SIGLEC9: variants seen among roughly 807,000 people sequenced by gnomAD.
The protein encoded by SIGLEC9 is sialic acid-binding Ig-like lectin 9.
A neutral mutation model predicts 38.3 loss-of-function variants in SIGLEC9; 26 were observed. The ratio of observed to expected loss-of-function variants is 0.68; its 90% confidence interval spans 0.50 to 0.94. The LOEUF is 0.94. SIGLEC9 is among the 40% of genes least tolerant of loss of function. The pLI is 0.00. For missense variants in SIGLEC9, 556 were observed against 585.7 expected, an observed-to-expected ratio of 0.95 and a Z score of 0.52; for synonymous variants, 236 against 248.0, an observed-to-expected ratio of 0.95 and a Z score of 0.45.
In SIGLEC9 at chr19:51,125,267, A is replaced by C; in HGVS notation, c.293A>C (p.His98Pro). 1 of 1,614,086 alleles carries C rather than the reference A, an allele frequency of 6.2e-7. No homozygotes were observed. Among genetic ancestry groups the C allele is most frequent in the Non-Finnish European group, 8.5e-7 (1 of 1,179,974 alleles). ...RDRFHLLGDP[H>P]TKNCTLSIRD... ...CGATTCCACCTCCTTGGGGACCCAC[A>C]TACCAAGAATTGCACCCTGAGCATC... Residue 98 changes from histidine (H) to proline (P), a missense_variant, in exon 1 of 7, where the codon CAT (histidine) becomes CCT (proline). By Grantham distance (77) the His-to-Pro change is moderately conservative. Coordinates refer to ENST00000250360, the MANE Select transcript of SIGLEC9 (RefSeq NM_014441.3).
intron 5 of SIGLEC9, 87 bp downstream of exon 5, chr19:51,128,126 G>A: frequency 1.8e-6 from 2 of 1,101,086 alleles, no homozygotes; most frequent in Non-Finnish European, 2.7e-6. Context: ...GAGCTGGAGG[G>A]ACCTGGATGG....
At chr19:51,129,420 A>C (rs1230254627) in intron 6 of SIGLEC9, among the ~76,000 whole-genome samples, 2 of 151,766 alleles carry the variant, frequency 1.3e-5, no homozygotes, top group East Asian at 3.9e-4. Context: ...TGGCTTCCCG[A>C]AGTGCTGGGA....
upstream of SIGLEC9, among the ~76,000 whole-genome samples, chr19:51,124,310 C>G (rs1599814132): frequency 6.6e-6 from 1 of 152,078 alleles, no homozygotes; most frequent in Non-Finnish European, 1.5e-5. Flanking sequence ...CTGCTCAGTC[C>G]TCCTGAGATT....
chr19:51,132,498 C>T (rs1013251440), downstream of SIGLEC9, among the ~76,000 whole-genome samples: 1 of 152,192 alleles, frequency 6.6e-6, no homozygotes, highest in Admixed American at 6.5e-5. Context: ...CCTCCTGAGA[C>T]TGTAGTCTGA....
Position 51,124,941 on chromosome 19 carries a change from T to C in SIGLEC9, c.-34T>C, listed in dbSNP as rs1441961467. On this transcript the variant is annotated 5_prime_UTR_variant, in exon 1 of 7. Transcript: ENST00000250360. ...AGAGAAGAACCCTGAGGAACAGACGTTCCCTCGCGGCCCTGGCACCTCTAA... is the reference window on the plus strand; with the variant it reads ...AGAGAAGAACCCTGAGGAACAGACGCTCCCTCGCGGCCCTGGCACCTCTAA... 3 of 1,573,370 alleles carry C rather than the reference T, an allele frequency of 1.9e-6. No individual in the cohort carries two copies. The South Asian group carries it at 3.6e-5, about 19-fold the overall frequency.
chr19:51,122,495 C>A (rs1253701746), upstream of SIGLEC9, among the ~76,000 whole-genome samples: 1 of 150,922 alleles, frequency 6.6e-6, no homozygotes, highest in Non-Finnish European at 1.5e-5. The surrounding 1 kb of genome is among the most constrained non-coding windows in gnomAD (Gnocchi z 4.1). Flanking sequence ...GCAGGAGAAT[C>A]GCTTGAACGT....
At chr19:51,131,746 TG>T, downstream of SIGLEC9, among the ~76,000 whole-genome samples, 1 of 151,948 alleles carries the variant, frequency 6.6e-6, no homozygotes, top group South Asian at 2.1e-4. Flanking sequence ...TGAAACCCCA[TG>T]TCTACTAAAA....
At chr19:51,120,845 C>CTT (rs67740870), upstream of SIGLEC9, 655 of 135,510 alleles carry the variant, frequency 4.8e-3, 3 homozygotes, top group Middle Eastern at 0.027. This position sits in a 1 kb window ranked among gnomAD's most constrained non-coding sequence, Gnocchi z 4.1. Flanking sequence ...ATCAGGAATT[C>CTT]TTTTTTTTTT....
chr19:51,127,235 C>T lies in SIGLEC9; in HGVS notation c.954C>T (p.Phe318=). The T allele has an allele frequency of 6.2e-7, 1 of 1,614,218 alleles. No individual in the cohort carries two copies. The highest frequency in any genetic ancestry group is 8.5e-7 in the Non-Finnish European group (1 of 1,180,024). ...PWVHLRDAAE[F]TCRAQNPLGS... Reference sequence around the variant, plus strand: ...TGCACCTGAGGGATGCAGCTGAATTCACCTGCAGAGCTCAGAACCCTCTCG... The same window carrying T: ...TGCACCTGAGGGATGCAGCTGAATTTACCTGCAGAGCTCAGAACCCTCTCG... The change falls in exon 4 of 7, where the codon TTC becomes TTT. Residue 318 remains phenylalanine, a synonymous_variant. Coordinates refer to ENST00000250360, the MANE Select transcript of SIGLEC9 (RefSeq NM_014441.3).
At position 51,125,041 on chromosome 19, in the gene SIGLEC9, C is replaced by T. The variant is rs763787730; in HGVS notation, c.67C>T (p.Leu23=). ...GGCGGAAGGACAGACAAGTAAACTGCTGACGATGCAGAGTTCCGTGACGGT... is the reference window on the plus strand; with the variant it reads ...GGCGGAAGGACAGACAAGTAAACTGTTGACGATGCAGAGTTCCGTGACGGT... ...ERAEGQTSKL[L]TMQSSVTVQE... Residue 23 remains leucine (L), a synonymous_variant, in exon 1 of 7, where the codon CTG becomes TTG. Coordinates refer to ENST00000250360, the MANE Select transcript of SIGLEC9 (RefSeq NM_014441.3). 3 of 1,613,984 alleles carry T rather than the reference C, an allele frequency of 1.9e-6. No individual in the cohort carries two copies. The highest frequency in any genetic ancestry group is 2.2e-5 in the South Asian group (2 of 91,072).
chr19:51,136,241 C>T (rs1223932589), exon 7 of SIGLEC9: 1 of 693,900 alleles, frequency 1.4e-6, no homozygotes, highest in South Asian at 1.5e-5. Context: ...GGATAGGGCT[C>T]TTTGCTTTTA....
rs191007332 is a variant in SIGLEC9 at position 51,126,332 on chromosome 19, C to T, written c.748+204C>T. Among the ~76,000 whole-genome samples, 62 of 152,112 alleles carry T rather than the reference C, an allele frequency of 4.1e-4. 1 individual carries two copies. In the East Asian group the frequency reaches 0.012, roughly 28 times the overall value. ...CTTGGACTCCCCCACACACCCCCCC[C>T]TCAGCCTCAAACAAGAAGAGGGTGG... is the stretch of plus-strand genomic sequence containing the variant. On this transcript the variant is annotated intron_variant, in intron 3 of 6. Coordinates refer to ENST00000250360, the MANE Select transcript of SIGLEC9 (RefSeq NM_014441.3).
upstream of SIGLEC9, among the ~76,000 whole-genome samples, chr19:51,122,497 C>T (rs908732812): frequency 6.7e-6 from 1 of 149,960 alleles, no homozygotes; most frequent in East Asian, 2.0e-4. This position sits in a 1 kb window ranked among gnomAD's most constrained non-coding sequence, Gnocchi z 4.1. Flanking sequence ...AGGAGAATCG[C>T]TTGAACGTGG....
At chr19:51,127,333 G>T in intron 4 of SIGLEC9, 37 bp downstream of exon 4, 2 of 1,566,058 alleles carry the variant, frequency 1.3e-6, no homozygotes, top group Non-Finnish European at 8.7e-7. Flanking sequence ...GGCTGGAGAG[G>T]AGAACACACC....
rs1463022032 is a variant in SIGLEC9, at chr19:51,128,273, T to C, written c.1107-141T>C. 1.6e-5 allele frequency: 17 copies of C among 1,032,690 alleles called. No homozygotes were observed. In the East Asian group the frequency reaches 4.3e-4, roughly 26 times the overall value. 64.0% of individuals were successfully genotyped at this position (1,032,690 alleles called of 1,614,324 possible). Reference sequence around the variant, plus strand: ...AGAAGAGAGCCTCTGTTCTCAACCTTGGGGTCTCTAAGACTGGACCACTGC... The same window carrying C: ...AGAAGAGAGCCTCTGTTCTCAACCTCGGGGTCTCTAAGACTGGACCACTGC... On this transcript the variant is annotated intron_variant, in intron 5 of 6. Coordinates refer to ENST00000250360, the MANE Select transcript of SIGLEC9 (RefSeq NM_014441.3).
chr19:51,133,561 G>A (rs139528466), downstream of SIGLEC9, among the ~76,000 whole-genome samples: 676 of 152,188 alleles, frequency 4.4e-3, 3 homozygotes, highest in Non-Finnish European at 6.8e-3. Context: ...CCAGCCTGGC[G>A]ACAGAGTGAG....
chr19:51,122,392 C>T (rs1158543204), upstream of SIGLEC9, among the ~76,000 whole-genome samples: 1 of 152,074 alleles, frequency 6.6e-6, no homozygotes, highest in Non-Finnish European at 1.5e-5. The surrounding 1 kb of genome is among the most constrained non-coding windows in gnomAD (Gnocchi z 4.1). Flanking sequence ...ACCAGCCTGA[C>T]CAACATGGTG....
At chr19:51,127,350 A>C in intron 4 of SIGLEC9, 54 bp downstream of exon 4, 1 of 1,510,444 alleles carries the variant, frequency 6.6e-7, no homozygotes, top group Non-Finnish European at 8.9e-7. Context: ...CACCTCCTCC[A>C]CCCTTAGTAA....
chr19:51,126,955 A>ATCAG (rs1261199051), intron 3 of SIGLEC9, 75 bp from the exon 4 acceptor site: 224 of 1,356,318 alleles, frequency 1.7e-4, no homozygotes, highest in Admixed American at 2.3e-4. Flanking sequence ...AGTTGCTGTC[A>ATCAG]TCAGTCTCTT....
Sources: gnomAD v4.1 joint callset for allele counts (sites outside exome capture counted in the v4.1 genomes callset) on GRCh38, gnomAD v4.1.1 for gene constraint, Gnocchi (gnomAD v3.1) non-coding constraint, MANE v1.5 for transcripts, NCBI Gene and HGNC (gene_info 2026-07-23, HGNC 2026-07-21) for gene names.